PELI1: variants seen among roughly 807,000 people sequenced by gnomAD.
The protein encoded by PELI1 is pellino E3 ubiquitin protein ligase 1.
A neutral mutation model predicts 41.3 loss-of-function variants in PELI1; 15 were observed. The ratio of observed to expected loss-of-function variants is 0.36; its 90% CI spans 0.24 to 0.56. The LOEUF is 0.56. Ranked by LOEUF, PELI1 falls within the 20% of genes least tolerant of loss-of-function variation. The pLI, the probability that PELI1 is intolerant of heterozygous loss-of-function variation, is 0.82. For synonymous variants in PELI1, 178 were observed against 180.1 expected, an observed-to-expected ratio of 0.99 and a Z score of 0.09; for missense variants, 403 against 525.5, an observed-to-expected ratio of 0.77 and a Z score of 2.28.
chr2:64,120,017 A>G (rs1223304462), intron 1 of PELI1, among the ~76,000 whole-genome samples: 1 of 152,242 alleles, frequency 6.6e-6, no homozygotes, highest in Non-Finnish European at 1.5e-5. Context: ...CAGGCATAAA[A>G]ATAGGTGAAC....
intron 1 of PELI1, among the ~76,000 whole-genome samples, chr2:64,134,826 C>G (rs555359379): frequency 1.3e-5 from 2 of 152,112 alleles, no homozygotes; most frequent in South Asian, 4.1e-4. Context: ...TTTGAAAAAC[C>G]AACAAAGCAC....
In PELI1 at chr2:64,117,345, AT is replaced by A. The variant is rs556250754; in HGVS notation, c.-69-8967del. Among the ~76,000 whole-genome samples, 811 of 145,016 alleles carry A rather than the reference AT, an allele frequency of 5.6e-3. 3 individuals carry two copies. Among genetic ancestry groups the A allele is most frequent in the African/African-American group, 0.012 (488 of 40,016 alleles). ...CTTTTGATACAATGAAGTAAGTTCTATTTTTTTTTTTTTACCACTCTTAATA... is the reference window on the plus strand; with the variant it reads ...CTTTTGATACAATGAAGTAAGTTCTATTTTTTTTTTTTACCACTCTTAATA... On this transcript the variant is annotated intron_variant, in intron 1 of 6. Coordinates refer to ENST00000358912, the MANE Select transcript of PELI1 (RefSeq NM_020651.4).
intron 4 of PELI1, among the ~76,000 whole-genome samples, chr2:64,096,945 T>C (rs1376139721): frequency 1.3e-5 from 2 of 152,224 alleles, no homozygotes; most frequent in African/African-American, 4.8e-5. Context: ...CATGTAGTTT[T>C]TTTCTCTTTA....
chr2:64,104,723 G>C lies in PELI1; in HGVS notation c.179C>G (p.Ala60Gly). 6.3e-7 allele frequency: 1 copy of C among 1,595,788 alleles called. No individual in the cohort carries two copies. Among genetic ancestry groups the C allele is most frequent in the Non-Finnish European group, 8.5e-7 (1 of 1,172,824 alleles). ...NGVKPSTVHI[A>G]CTPQAAKAIS... is the part of the protein sequence containing the mutation. Reference sequence around the variant, plus strand: ...TACCTTTGCAGCCTGAGGAGTACAAGCAATATGCACAGTGCTGGGCTTCAC... The same window carrying C: ...TACCTTTGCAGCCTGAGGAGTACAACCAATATGCACAGTGCTGGGCTTCAC... Residue 60 changes from alanine (A) to glycine (G), a missense_variant, in exon 3 of 7, where the codon GCT (alanine) becomes GGT (glycine). By Grantham distance (60) the Ala-to-Gly change is moderately conservative. Coordinates refer to ENST00000358912, the MANE Select transcript of PELI1 (RefSeq NM_020651.4).
intron 1 of PELI1, among the ~76,000 whole-genome samples, chr2:64,132,754 C>T (rs907597858): frequency 1.3e-5 from 2 of 151,982 alleles, no homozygotes; most frequent in Non-Finnish European, 2.9e-5. Context: ...GTTTAAAGAC[C>T]CTTTAAACCA....
chr2:64,098,159 A>G (rs138196933), intron 4 of PELI1, among the ~76,000 whole-genome samples: 3 of 152,312 alleles, frequency 2.0e-5, no homozygotes, highest in African/African-American at 7.2e-5. Context: ...TTAAGTATCT[A>G]TAAAGAGAAA....
At chr2:64,139,585 G>A (rs774207328) in intron 1 of PELI1, among the ~76,000 whole-genome samples, 2 of 152,196 alleles carry the variant, frequency 1.3e-5, no homozygotes, top group Non-Finnish European at 2.9e-5. Context: ...GTCAGCAACT[G>A]CGCCCAGCCA....
intron 1 of PELI1, among the ~76,000 whole-genome samples, chr2:64,110,257 A>G (rs1423196507): frequency 7.7e-6 from 1 of 129,628 alleles, no homozygotes; most frequent in Non-Finnish European, 1.6e-5. Context: ...GAAAAAAAAA[A>G]AAAAAAAAAA....
intron 1 of PELI1, among the ~76,000 whole-genome samples, chr2:64,132,922 T>C: frequency 6.6e-6 from 1 of 152,120 alleles, no homozygotes; most frequent in Admixed American, 6.6e-5. Flanking sequence ...CCTTAGGTAA[T>C]TTGTATAATA....
intron 6 of PELI1, 129 bp downstream of exon 6, chr2:64,095,996 G>T: frequency 1.4e-6 from 1 of 694,658 alleles, no homozygotes. Context: ...GGTAGTCAGT[G>T]TTTGATAGAC....
Position 64,116,034 on chromosome 2 carries a change from A to G in PELI1, c.-69-7655T>C, listed in dbSNP as rs564223828. 1.6e-4 allele frequency among the ~76,000 whole-genome samples: 24 copies of G among 152,284 alleles called. No homozygotes were observed. In the South Asian group the frequency reaches 2.3e-3, roughly 14 times the overall value. On this transcript the variant is annotated intron_variant, in intron 1 of 6. Coordinates refer to ENST00000358912, the MANE Select transcript of PELI1 (RefSeq NM_020651.4). ...TAAAAATGAGGACAGAAAGGAACCT[A>G]AGGGTGGAAAATCAGGGTATTTCAC... is the stretch of plus-strand genomic sequence containing the variant.
intron 1 of PELI1, among the ~76,000 whole-genome samples, chr2:64,127,817 CT>C (rs1332780802): frequency 3.9e-5 from 6 of 152,124 alleles, no homozygotes; most frequent in Non-Finnish European, 5.9e-5. Context: ...TTTAGCTCCC[CT>C]TTAACCACAC....
At chr2:64,130,672 T>G (rs113036473) in intron 1 of PELI1, among the ~76,000 whole-genome samples, 6,418 of 152,264 alleles carry the variant, frequency 0.042, 155 homozygotes, top group African/African-American at 0.078. Context: ...TTTGCTAAAT[T>G]AGATCTTACG....
At chr2:64,098,652 A>G (rs1680321501) in intron 4 of PELI1, among the ~76,000 whole-genome samples, 1 of 152,230 alleles carries the variant, frequency 6.6e-6, no homozygotes, top group Non-Finnish European at 1.5e-5. Flanking sequence ...ATCAGCTTGT[A>G]ATGTCTCCCT....
intron 3 of PELI1, among the ~76,000 whole-genome samples, chr2:64,102,630 G>T (rs981756616): frequency 2.0e-5 from 3 of 152,106 alleles, no homozygotes; most frequent in Non-Finnish European, 4.4e-5. Flanking sequence ...GTTTTTATGT[G>T]CTTTGAAATT....
Position 64,095,256 on chromosome 2 carries a change from T to C in PELI1, c.703A>G (p.Thr235Ala). 1 of 1,612,516 alleles carries C rather than the reference T, an allele frequency of 6.2e-7. No homozygotes were observed. The highest frequency in any genetic ancestry group is 2.2e-5 in the East Asian group (1 of 44,870). Residue 235 changes from threonine (T) to alanine (A), a missense_variant, in exon 7 of 7, where the codon ACC becomes GCC. Transcript: ENST00000358912. The part of the protein sequence containing the change: ...QQRGKMVEIE[T>A]NQLQDGSLID... ...AACGAGCCATCTTGTAACTGATTGG[T>C]TTCAATTTCCACCTAGAGGAGACAA...
At chr2:64,133,456 T>C (rs1169540506) in intron 1 of PELI1, among the ~76,000 whole-genome samples, 1 of 152,090 alleles carries the variant, frequency 6.6e-6, no homozygotes, top group African/African-American at 2.4e-5. Flanking sequence ...CAATTATATA[T>C]ATAGTTTCTG....
intron 1 of PELI1, among the ~76,000 whole-genome samples, chr2:64,118,197 A>T (rs1392988278): frequency 1.3e-5 from 2 of 152,198 alleles, no homozygotes; most frequent in Admixed American, 6.5e-5. Flanking sequence ...CAATAAATAT[A>T]TACAGCTGGG....
At chr2:64,112,465 C>T (rs1361314834) in intron 1 of PELI1, among the ~76,000 whole-genome samples, 1 of 152,150 alleles carries the variant, frequency 6.6e-6, no homozygotes, top group East Asian at 1.9e-4. Context: ...AACTAAAAAA[C>T]AAGAGTACGG....
Sources: gnomAD v4.1 joint callset for allele counts (sites outside exome capture counted in the v4.1 genomes callset) on GRCh38, gnomAD v4.1.1 for gene constraint, MANE v1.5 for transcripts, NCBI Gene and HGNC (gene_info 2026-07-23, HGNC 2026-07-21) for gene names.